The following PKD2 variants were observed in gnomAD, a reference collection of about 807,000 sequenced individuals.
PKD2 encodes polycystin 2, transient receptor potential cation channel.
Under a neutral mutation model 105.9 loss-of-function variants are expected in PKD2, and 48 were observed. That is an observed-to-expected ratio of 0.45 (90% CI 0.36 to 0.58). The LOEUF is 0.58. Among genes scored for constraint, PKD2 ranks in the 20% least tolerant of loss-of-function variants. The pLI is 0.00. For synonymous variants in PKD2, 464 were observed against 481.1 expected (o/e 0.96, Z 0.46); for missense variants, 1,078 against 1,255.3 (o/e 0.86, Z 2.13).
At chr4:88,030,350 T>A (rs2110099221) in intron 2 of PKD2, among the ~76,000 whole-genome samples, 1 of 152,254 alleles carries the variant, frequency 6.6e-6, no homozygotes, top group East Asian at 1.9e-4. Context: ...CTGCCCAGGC[T>A]GTTCTTGAAC....
chr4:88,036,937 G>A (rs940450759), intron 3 of PKD2, among the ~76,000 whole-genome samples: 3 of 152,168 alleles, frequency 2.0e-5, no homozygotes, highest in African/African-American at 7.2e-5. Flanking sequence ...TCTTTCAAAG[G>A]TCTGCTGTTG....
intron 1 of PKD2, among the ~76,000 whole-genome samples, chr4:88,012,845 T>G (rs762424356): frequency 2.0e-5 from 3 of 152,192 alleles, no homozygotes; most frequent in Non-Finnish European, 4.4e-5. Context: ...CTTTTGTGTC[T>G]GGCTTATTCA....
chr4:88,065,901 C>A, intron 12 of PKD2, 22 bp downstream of exon 12: 1 of 1,374,630 alleles, frequency 7.3e-7, no homozygotes, highest in Non-Finnish European at 1.0e-6. Context: ...TTAGGAGAAC[C>A]GGATTTGATT....
chr4:88,011,900 GGGGGGGA>G lies in PKD2; in HGVS notation c.595+3577_595+3583del, dbSNP rs200984875. 5.6e-3 allele frequency among the ~76,000 whole-genome samples: 842 copies of G among 149,860 alleles called. 19 individuals carry two copies. The highest frequency in any genetic ancestry group is 0.019 in the African/African-American group (787 of 40,594). ...TAAATTACAGGTTTTCAATGGGGGG[GGGGGGGA>G]GGGGCAGTTTTGCCCCTCAGGGGAC... On this transcript the variant is annotated intron_variant, in intron 1 of 14. Transcript: ENST00000237596.
In PKD2 at chr4:88,075,829, CTTTAA is replaced by C. The variant is rs1721215017; in HGVS notation, c.*140_*144del. Reference sequence around the variant, plus strand: ...TGTGACCGATTGCTAATCTTCTGCACTTTAATTTATTTTATATAAACTTTACCCAT... The same window carrying C: ...TGTGACCGATTGCTAATCTTCTGCACTTTATTTTATATAAACTTTACCCAT... On this transcript the variant is annotated 3_prime_UTR_variant, in exon 15 of 15. Coordinates refer to ENST00000237596, the MANE Select transcript of PKD2 (RefSeq NM_000297.4). The C allele has an allele frequency of 4.0e-6, 3 of 746,836 alleles. No homozygotes were observed. Among genetic ancestry groups the C allele is most frequent in the African/African-American group, 1.7e-5 (1 of 57,702 alleles). The allele number at this position is 746,836 out of a possible 1,614,324, so 46.3% of individuals were successfully genotyped here. A position where few individuals can be genotyped will look rare whatever the true frequency, so the allele number is the denominator to read the frequency against.
In PKD2 at chr4:88,026,406, T is replaced by C. The variant is rs138190282; in HGVS notation, c.709+6835T>C. 2.4e-3 allele frequency among the ~76,000 whole-genome samples: 372 copies of C among 152,344 alleles called. 3 individuals are homozygous for C. The highest frequency in any genetic ancestry group is 8.6e-3 in the African/African-American group (358 of 41,576). Reference sequence around the variant, plus strand: ...ATGATTTAGAGTATCTGGCAGAAGATATTTCTAAGCACCAAAGCATTCGAG... The same window carrying C: ...ATGATTTAGAGTATCTGGCAGAAGACATTTCTAAGCACCAAAGCATTCGAG... On this transcript the variant is annotated intron_variant, in intron 2 of 14. Coordinates refer to ENST00000237596, the MANE Select transcript of PKD2 (RefSeq NM_000297.4).
At chr4:88,012,802 A>T (rs1472707636) in intron 1 of PKD2, among the ~76,000 whole-genome samples, 1 of 152,026 alleles carries the variant, frequency 6.6e-6, no homozygotes, top group Admixed American at 6.5e-5. Flanking sequence ...TGTTGTAGCT[A>T]CCTGATGTAA....
intron 2 of PKD2, among the ~76,000 whole-genome samples, chr4:88,023,958 GAACAGA>G (rs1726857518): frequency 6.6e-6 from 1 of 152,106 alleles, no homozygotes; most frequent in Admixed American, 6.5e-5. Context: ...TTAACCAAGA[GAACAGA>G]AATGACATGA....
At chr4:88,056,408 CA>C (rs1040442179) in intron 8 of PKD2, 141 bp downstream of exon 8, 1 of 636,562 alleles carries the variant, frequency 1.6e-6, no homozygotes, top group Non-Finnish European at 2.7e-6. Context: ...TACCTTTTCC[CA>C]AAACATTGAT....
chr4:88,062,219 T>G (rs1720602461), intron 10 of PKD2, among the ~76,000 whole-genome samples: 1 of 152,218 alleles, frequency 6.6e-6, no homozygotes, highest in Non-Finnish European at 1.5e-5. Context: ...TTTTATGCCC[T>G]GGAATTAAAT....
chr4:88,007,770 G>A lies in PKD2; in HGVS notation c.37G>A (p.Gly13Arg). The change falls in exon 1 of 15, where the codon GGG becomes AGG. Residue 13 changes from glycine (G) to arginine (R), a missense_variant. Around this residue, in one of 2 missense-constraint regions of PKD2, gnomAD observed 210 missense variants for 187.9 expected, o/e 1.12. Coordinates refer to ENST00000237596, the MANE Select transcript of PKD2 (RefSeq NM_000297.4). ...CAGTCGCGTGCAGCCTCAGCAGCCC[G>A]GGGACGCCAAGCGGCCGCCCGCGCC... ...NSSRVQPQQP[G>R]DAKRPPAPRA... 1 of 1,180,926 alleles carries A rather than the reference G, an allele frequency of 8.5e-7. No homozygotes were observed. The highest frequency in any genetic ancestry group is 1.1e-6 in the Non-Finnish European group (1 of 946,282). The allele number at this position is 1,180,926 out of a possible 1,614,324, so 73.2% of individuals were successfully genotyped here.
At chr4:88,055,990 A>C (rs150873605) in intron 7 of PKD2, 96 bp from the exon 8 acceptor site, 3 of 868,572 alleles carry the variant, frequency 3.5e-6, no homozygotes, top group South Asian at 1.3e-5. Flanking sequence ...ACCTGTCAGA[A>C]TTTAATTTCT....
Position 88,008,216 on chromosome 4 carries a change from C to A in PKD2, c.483C>A (p.Gly161=). 7.1e-7 allele frequency: 1 copy of A among 1,400,374 alleles called. No homozygotes were observed. Among genetic ancestry groups the A allele is most frequent in the Non-Finnish European group, 9.2e-7 (1 of 1,082,672 alleles). 86.7% of individuals were successfully genotyped at this position (1,400,374 alleles called of 1,614,324 possible). Residue 161 remains glycine, a synonymous_variant, in exon 1 of 15, where the codon GGC becomes GGA. Coordinates refer to ENST00000237596, the MANE Select transcript of PKD2 (RefSeq NM_000297.4). Reference sequence around the variant, plus strand: ...GGCGGCGCCGGCGAGAGGACCAGGGCCCGCCGTGCCCCAGCCCAGTCGGCG... The same window carrying A: ...GGCGGCGCCGGCGAGAGGACCAGGGACCGCCGTGCCCCAGCCCAGTCGGCG... ...SGRRRRREDQ[G]PPCPSPVGGG...
In PKD2 at chr4:88,007,718, G is replaced by A. The variant is rs761821606; in HGVS notation, c.-16G>A. Reference sequence around the variant, plus strand: ...CGCGGCGCCGCGCACCCGCGCGCCGGACGCCAGTGACCGCGATGGTGAACT... The same window carrying A: ...CGCGGCGCCGCGCACCCGCGCGCCGAACGCCAGTGACCGCGATGGTGAACT... On this transcript the variant is annotated 5_prime_UTR_variant, in exon 1 of 15. Transcript: ENST00000237596. The A allele has an allele frequency of 4.2e-5, 50 of 1,193,292 alleles. No individual in the cohort carries two copies. The highest frequency in any genetic ancestry group is 4.9e-5 in the African/African-American group (3 of 61,314). The allele number at this position is 1,193,292 out of a possible 1,614,324, so 73.9% of individuals were successfully genotyped here.
At position 88,062,706 on chromosome 4, in the gene PKD2, G is replaced by T. The variant is rs141949071; in HGVS notation, c.2118+702G>T. 1.5e-4 allele frequency among the ~76,000 whole-genome samples: 23 copies of T among 152,172 alleles called. No individual in the cohort carries two copies. In the East Asian group the frequency reaches 3.7e-3, roughly 24 times the overall value. ...TTGTTTCCCAACATCATTTTGCTAA[G>T]TCATAGTGGCTCCTTAACTGTAATT... On this transcript the variant is annotated intron_variant, in intron 10 of 14. Transcript: ENST00000237596.
At chr4:88,068,394 C>T (rs1238772262) in intron 13 of PKD2, among the ~76,000 whole-genome samples, 3 of 151,700 alleles carry the variant, frequency 2.0e-5, no homozygotes, top group African/African-American at 2.4e-5. Flanking sequence ...TGCTTGAACC[C>T]GGGAGGCGGA....
chr4:88,059,636 G>T (rs1044981610), intron 9 of PKD2, among the ~76,000 whole-genome samples: 2 of 152,072 alleles, frequency 1.3e-5, no homozygotes, highest in Non-Finnish European at 2.9e-5. Flanking sequence ...ATGAAAAGAA[G>T]CTCTTAGTTT....
chr4:88,024,457 G>GA (rs552942631), intron 2 of PKD2, among the ~76,000 whole-genome samples: 1,074 of 50,388 alleles, frequency 0.021, 46 homozygotes, highest in African/African-American at 0.052. Context: ...ACTCTGTCTC[G>GA]AAAAAAAAAA....
chr4:88,018,345 A>C (rs1272133742), intron 1 of PKD2, among the ~76,000 whole-genome samples: 3 of 152,208 alleles, frequency 2.0e-5, no homozygotes, highest in Non-Finnish European at 4.4e-5. Flanking sequence ...TGATGAACTC[A>C]TTTCTTCGAA....
Sources: allele counts gnomAD v4.1 joint callset (sites outside exome capture counted in the v4.1 genomes callset), GRCh38; gene constraint gnomAD v4.1.1; regional missense constraint gnomAD v4.1.1; transcripts MANE v1.5; gene names NCBI Gene and HGNC (gene_info 2026-07-23, HGNC 2026-07-21).